The following BBX variants were observed in gnomAD, a reference collection of about 807,000 sequenced individuals.
The protein encoded by BBX is BBX high mobility group box domain containing.
A neutral mutation model predicts 100.2 loss-of-function variants in BBX; 30 were observed. The observed-to-expected ratio is 0.30, with a 90% CI of 0.22 to 0.41. The LOEUF is 0.41. BBX is among the 10% of genes least tolerant of loss of function. The probability of loss-of-function intolerance (pLI) is 1.00; values close to 1 mark genes in which losing one functional copy is unlikely to be tolerated. For synonymous variants in BBX, 376 were observed against 388.1 expected (o/e 0.97, Z 0.37); for missense variants, 1,023 against 1,129.8 (o/e 0.91, Z 1.35).
At chr3:107,534,625 A>G (rs1371851848) in intron 2 of BBX, among the ~76,000 whole-genome samples, 1 of 152,182 alleles carries the variant, frequency 6.6e-6, no homozygotes, top group African/African-American at 2.4e-5. Flanking sequence ...GTTTGAGTTT[A>G]AAGATCGATT....
chr3:107,586,134 T>C (rs1211851534), intron 2 of BBX, among the ~76,000 whole-genome samples: 1 of 152,192 alleles, frequency 6.6e-6, no homozygotes, highest in Non-Finnish European at 1.5e-5. Context: ...CGGTGATTAT[T>C]TGGCTAAGAT....
At chr3:107,755,801 TCAACA>T in intron 10 of BBX, 123 bp downstream of exon 10, 1 of 816,298 alleles carries the variant, frequency 1.2e-6, no homozygotes, top group Non-Finnish European at 1.9e-6. Flanking sequence ...CATCTAATTT[TCAACA>T]ATGAGAGGGT....
intron 2 of BBX, among the ~76,000 whole-genome samples, chr3:107,613,966 T>TTTTTTG (rs2055052846): frequency 7.4e-6 from 1 of 135,454 alleles, no homozygotes; most frequent in Non-Finnish European, 1.5e-5. Flanking sequence ...TTTTTTTTTT[T>TTTTTTG]TTTTGAGATG....
intron 3 of BBX, among the ~76,000 whole-genome samples, chr3:107,649,235 A>T (rs1275770473): frequency 1.3e-5 from 2 of 152,170 alleles, no homozygotes; most frequent in African/African-American, 4.8e-5. Context: ...TGACATGGGG[A>T]TTAGTACGAT....
At chr3:107,612,969 C>T (rs1035157810) in intron 2 of BBX, among the ~76,000 whole-genome samples, 6 of 152,094 alleles carry the variant, frequency 3.9e-5, no homozygotes, top group South Asian at 2.1e-4. Context: ...AGACAAAGTC[C>T]TTCTCACTCT....
intron 3 of BBX, among the ~76,000 whole-genome samples, chr3:107,708,612 T>C (rs752762930): frequency 2.0e-5 from 3 of 148,372 alleles, no homozygotes; most frequent in Non-Finnish European, 3.0e-5. Flanking sequence ...AGGCAGAGGT[T>C]GCAGTGAGCT....
At chr3:107,765,109 G>C (rs920737169) in intron 10 of BBX, among the ~76,000 whole-genome samples, 2 of 152,194 alleles carry the variant, frequency 1.3e-5, no homozygotes, top group African/African-American at 4.8e-5. Flanking sequence ...GAGCAAAACA[G>C]TCTACCAAAG....
chr3:107,646,622 T>C (rs1308851238), intron 3 of BBX, among the ~76,000 whole-genome samples: 2 of 152,120 alleles, frequency 1.3e-5, no homozygotes, highest in Admixed American at 6.5e-5. Context: ...GAATCAGATG[T>C]GGGATTGCTT....
intron 2 of BBX, among the ~76,000 whole-genome samples, chr3:107,617,780 G>C (rs189514512): frequency 6.6e-6 from 1 of 152,006 alleles, no homozygotes; most frequent in Non-Finnish European, 1.5e-5. Context: ...CATTTTAGAA[G>C]ATGTTTTTGT....
intron 2 of BBX, among the ~76,000 whole-genome samples, chr3:107,548,499 G>A (rs2049407424): frequency 6.6e-6 from 1 of 152,098 alleles, no homozygotes; most frequent in South Asian, 2.1e-4. Flanking sequence ...TTTTGGGAGA[G>A]ATCTTAATAA....
chr3:107,694,792 C>G (rs2060459308), intron 3 of BBX, among the ~76,000 whole-genome samples: 1 of 151,808 alleles, frequency 6.6e-6, no homozygotes, highest in African/African-American at 2.4e-5. Context: ...CCTTGTACCT[C>G]TGATATAATT....
At chr3:107,696,151 A>G (rs905109266) in intron 3 of BBX, among the ~76,000 whole-genome samples, 14 of 151,612 alleles carry the variant, frequency 9.2e-5, no homozygotes, top group Non-Finnish European at 1.5e-4. Context: ...TCTTTATCCA[A>G]TTTGCCAGTC....
At chr3:107,716,489 T>C (rs2062117249) in intron 4 of BBX, 118 bp from the exon 5 acceptor site, 1 of 1,211,584 alleles carries the variant, frequency 8.3e-7, no homozygotes, top group African/African-American at 1.5e-5. Flanking sequence ...TTTTTTTCAA[T>C]GTGTAAGTTG....
At chr3:107,740,675 C>T (rs574462821) in intron 7 of BBX, among the ~76,000 whole-genome samples, 2 of 152,138 alleles carry the variant, frequency 1.3e-5, no homozygotes, top group South Asian at 2.1e-4. Flanking sequence ...GAGAAAGTCA[C>T]TCTCTCAAAC....
rs2056633874 is a variant in BBX at position 107,632,913 on chromosome 3, G to A, written c.-83-12923G>A. Among the ~76,000 whole-genome samples the A allele has an allele frequency of 2.0e-5, 3 of 152,262 alleles. No individual in the cohort carries two copies. The South Asian group carries it at 6.2e-4, about 32-fold the overall frequency. On this transcript the variant is annotated intron_variant, in intron 2 of 17. Transcript: ENST00000325805. The stretch of plus-strand genomic sequence containing the variant: ...AAATCCTTTTGCTCTTTTACAATTA[G>A]TAGTCTGTTCTTTCGGGATGTTCAT...
chr3:107,729,096 C>G (rs2063152075), intron 6 of BBX, 136 bp downstream of exon 6: 7 of 860,152 alleles, frequency 8.1e-6, no homozygotes, highest in Non-Finnish European at 1.3e-5. Flanking sequence ...AGCATATTTT[C>G]AAGCATTGGA....
chr3:107,710,319 C>A (rs1258912278), intron 3 of BBX, 133 bp from the exon 4 acceptor site: 6 of 664,618 alleles, frequency 9.0e-6, no homozygotes, highest in African/African-American at 1.8e-5. Flanking sequence ...ATAGTATAGT[C>A]ATTAAAATTA....
chr3:107,576,960 G>A (rs951589638), intron 2 of BBX, among the ~76,000 whole-genome samples: 2 of 151,898 alleles, frequency 1.3e-5, no homozygotes, highest in Non-Finnish European at 2.9e-5. Context: ...TCCTGGGTTC[G>A]AGCAATTCTT....
Position 107,710,455 on chromosome 3 carries a change from A to C in BBX, c.-6A>C. The C allele has an allele frequency of 3.1e-6, 5 of 1,609,290 alleles. No homozygotes were observed. ...TCTCTCTCTCTTCCTATTACAGGTC[A>C]CAGTAATGAAAGGCAGTAATAGAAA... On this transcript the variant is annotated 5_prime_UTR_variant, in exon 4 of 18. Transcript: ENST00000325805.
Sources: allele counts gnomAD v4.1 joint callset (sites outside exome capture counted in the v4.1 genomes callset), GRCh38; gene constraint gnomAD v4.1.1; transcripts MANE v1.5; gene names NCBI Gene and HGNC (gene_info 2026-07-23, HGNC 2026-07-21).